The following SYT6 variants were observed in gnomAD, a reference collection of about 807,000 sequenced individuals.
SYT6 encodes synaptotagmin-6.
Under a neutral mutation model 38.4 loss-of-function variants are expected in SYT6, and 24 were observed. The ratio of observed to expected loss-of-function variants is 0.62; its 90% CI spans 0.45 to 0.88. The LOEUF (loss-of-function observed/expected upper bound fraction) is 0.88, where lower values mean the gene tolerates loss of function less well. Ranked by LOEUF, SYT6 falls within the 40% of genes least tolerant of loss-of-function variation. The pLI is 0.00. For missense variants in SYT6, 611 were observed against 621.0 expected (o/e 0.98, Z 0.17); for synonymous variants, 265 against 241.9 (o/e 1.10, Z -0.89).
chr1:114,102,221 G>A (rs1289765391), intron 4 of SYT6, among the ~76,000 whole-genome samples: 2 of 152,156 alleles, frequency 1.3e-5, no homozygotes, highest in African/African-American at 4.8e-5. Flanking sequence ...ACTTATTTTG[G>A]TATTAAAATG....
intron 7 of SYT6, 68 bp from the exon 8 acceptor site, chr1:114,092,150 A>G (rs565412243): frequency 1.4e-6 from 2 of 1,451,754 alleles, no homozygotes; most frequent in Non-Finnish European, 1.9e-6. Context: ...GCAAAACTGA[A>G]CTGGCCCAAT....
Position 114,097,714 on chromosome 1 carries a change from T to C in SYT6, c.1515+13A>G, listed in dbSNP as rs201373193. The C allele has an allele frequency of 2.9e-5, 46 of 1,613,370 alleles. No homozygotes were observed. Among genetic ancestry groups the C allele is most frequent in the Non-Finnish European group, 3.6e-5 (42 of 1,179,538 alleles). ...TGCAGCAAACATGCCAAGGGCCAGG[T>C]GACCTCACCCACCTCTTTGAAGGAT... On this transcript the variant is annotated intron_variant, in intron 6 of 7. Transcript: ENST00000610222.
chr1:114,112,966 T>G (rs1676776268), intron 3 of SYT6, among the ~76,000 whole-genome samples: 1 of 152,172 alleles, frequency 6.6e-6, no homozygotes, highest in Non-Finnish European at 1.5e-5. Context: ...CTGATGAGTC[T>G]CCTGGGGCAG....
intron 3 of SYT6, among the ~76,000 whole-genome samples, chr1:114,118,813 A>G (rs1258218275): frequency 6.6e-6 from 1 of 152,138 alleles, no homozygotes; most frequent in Non-Finnish European, 1.5e-5. Flanking sequence ...TGTCGGTGTC[A>G]GCTGAGGCAA....
In SYT6 at chr1:114,140,844, C is replaced by T. The variant is rs1210029549; in HGVS notation, c.164-881G>A. 2.6e-5 allele frequency among the ~76,000 whole-genome samples: 4 copies of T among 152,194 alleles called. No individual in the cohort carries two copies. In the East Asian group the frequency reaches 7.7e-4, roughly 29 times the overall value. ...GTGTCTGTCACGTTTTGTTAATTCT[C>T]ACATTATTTCAAACTTTTAAATTAC... On this transcript the variant is annotated intron_variant, in intron 1 of 7. Coordinates refer to ENST00000610222, the MANE Select transcript of SYT6 (RefSeq NM_001253772.2).
At chr1:114,143,479 C>T (rs142829736) in intron 1 of SYT6, among the ~76,000 whole-genome samples, 2 of 146,496 alleles carry the variant, frequency 1.4e-5, no homozygotes, top group Admixed American at 1.4e-4. Flanking sequence ...TATATACATA[C>T]ATACATATGT....
At position 114,091,942 on chromosome 1, in the gene SYT6, T is replaced by C; in HGVS notation, c.*192A>G. ...TGCCGCCACTGCGACTGCACAACAC[T>C]GTTTAGACGGTTGAACAAGTGCAAA... On this transcript the variant is annotated 3_prime_UTR_variant, in exon 8 of 8. Transcript: ENST00000610222. 6.7e-7 allele frequency: 1 copy of C among 1,496,174 alleles called. No individual in the cohort carries two copies. Among genetic ancestry groups the C allele is most frequent in the Non-Finnish European group, 9.0e-7 (1 of 1,111,096 alleles). The allele number at this position is 1,496,174 out of a possible 1,614,324, so 92.7% of individuals were successfully genotyped here.
rs1447161688 is a variant in SYT6 at position 114,089,491 on chromosome 1, T to C, written c.*2643A>G. 6.6e-6 allele frequency: 1 copy of C among 152,418 alleles called. No homozygotes were observed. Among genetic ancestry groups the C allele is most frequent in the Middle Eastern group, 3.2e-3 (1 of 316 alleles). The allele number at this position is 152,418 out of a possible 1,614,324, so 9.4% of individuals were successfully genotyped here. A position where few individuals can be genotyped will look rare whatever the true frequency, so the allele number is the denominator to read the frequency against. Reference sequence around the variant, plus strand: ...AAGGAGAAGGGAACTTTTCATGTTTTTTAAAAAAACCTATGTGCAAATGGC... The same window carrying C: ...AAGGAGAAGGGAACTTTTCATGTTTCTTAAAAAAACCTATGTGCAAATGGC... On this transcript the variant is annotated 3_prime_UTR_variant, in exon 8 of 8. Coordinates refer to ENST00000610222, the MANE Select transcript of SYT6 (RefSeq NM_001253772.2).
At chr1:114,122,506 T>TGTGTGTGTGTGTGTGCGCAC (rs60780339) in intron 3 of SYT6, among the ~76,000 whole-genome samples, 2 of 147,288 alleles carry the variant, frequency 1.4e-5, no homozygotes, top group African/African-American at 2.5e-5. Context: ...TGTGTGTGTG[T>TGTGTGTGTGTGTGTGCGCAC]GCGCGCACAT....
intron 3 of SYT6, among the ~76,000 whole-genome samples, chr1:114,107,159 T>C (rs1475786737): frequency 6.6e-6 from 1 of 152,142 alleles, no homozygotes. Flanking sequence ...GCTGTCTCTT[T>C]TGGGGGAGTC....
chr1:114,128,942 C>T (rs1677914996), intron 3 of SYT6, among the ~76,000 whole-genome samples: 1 of 152,190 alleles, frequency 6.6e-6, no homozygotes, highest in Non-Finnish European at 1.5e-5. Flanking sequence ...TCTCCAAAAT[C>T]TGTTTCTTTA....
intron 3 of SYT6, among the ~76,000 whole-genome samples, chr1:114,127,733 A>G (rs1234239703): frequency 6.6e-6 from 1 of 152,184 alleles, no homozygotes; most frequent in African/African-American, 2.4e-5. Flanking sequence ...GGTACAAAGG[A>G]GAGGTCCCAC....
intron 3 of SYT6, among the ~76,000 whole-genome samples, chr1:114,127,705 C>CT (rs1677825618): frequency 6.6e-6 from 1 of 152,228 alleles, no homozygotes. Context: ...TCTTCACCTC[C>CT]TCCCCTCTTT....
At chr1:114,150,663 T>C (rs1444038874) in intron 1 of SYT6, among the ~76,000 whole-genome samples, 1 of 152,196 alleles carries the variant, frequency 6.6e-6, no homozygotes, top group Admixed American at 6.5e-5. Context: ...GCTTGGCTTA[T>C]GGAAAAAGTT....
intron 3 of SYT6, among the ~76,000 whole-genome samples, chr1:114,112,814 C>T (rs757491285): frequency 9.2e-5 from 14 of 152,206 alleles, no homozygotes; most frequent in Non-Finnish European, 1.6e-4. Flanking sequence ...GTTGTCTTGC[C>T]GAGTGGCTGT....
intron 3 of SYT6, among the ~76,000 whole-genome samples, chr1:114,118,774 C>T (rs1677164880): frequency 6.6e-6 from 1 of 152,240 alleles, no homozygotes; most frequent in Non-Finnish European, 1.5e-5. Flanking sequence ...CCATCTGCCT[C>T]TCCTCTCACA....
chr1:114,099,404 A>G (rs1675834705), intron 4 of SYT6, 139 bp from the exon 5 acceptor site: 4 of 802,128 alleles, frequency 5.0e-6, no homozygotes, highest in Non-Finnish European at 7.6e-6. Context: ...AAATAATTAA[A>G]CCACCTTGTA....
At position 114,114,081 on chromosome 1, in the gene SYT6, A is replaced by T. The variant is rs932261798; in HGVS notation, c.1072-10360T>A. Among the ~76,000 whole-genome samples the T allele has an allele frequency of 2.6e-5, 4 of 152,018 alleles. No homozygotes were observed. The South Asian group carries it at 6.2e-4, about 24-fold the overall frequency. On this transcript the variant is annotated intron_variant, in intron 3 of 7. Coordinates refer to ENST00000610222, the MANE Select transcript of SYT6 (RefSeq NM_001253772.2). ...CTCTTCACATGGCAGAGACCCACTC[A>T]TCTCAGGCCACTTCCTCCAGCGCCT...
intron 3 of SYT6, among the ~76,000 whole-genome samples, chr1:114,120,820 A>AC (rs1356436154): frequency 6.6e-6 from 1 of 152,208 alleles, no homozygotes. Flanking sequence ...CCCCTGGGGC[A>AC]CCTGCACTCA....
Sources: allele counts gnomAD v4.1 joint callset (sites outside exome capture counted in the v4.1 genomes callset), GRCh38; gene constraint gnomAD v4.1.1; transcripts MANE v1.5; gene names NCBI Gene and HGNC (gene_info 2026-07-23, HGNC 2026-07-21).